Variants in BLZF1 observed in about 807,000 individuals in gnomAD.
BLZF1 encodes basic leucine zipper nuclear factor 1.
BLZF1 carries 39 observed loss-of-function variants against 43.8 expected under a neutral mutation model. The observed-to-expected ratio is 0.89, with a 90% CI of 0.69 to 1.16. The LOEUF is 1.16. Among genes scored for constraint, BLZF1 ranks in the 50% most tolerant of loss-of-function variants. BLZF1 has a pLI of 0.00. For missense variants in BLZF1, 449 were observed against 469.8 expected (o/e 0.96, Z 0.41); for synonymous variants, 136 against 159.4 (o/e 0.85, Z 1.11).
chr1:169,383,383 G>A (rs1412007891), intron 6 of BLZF1, among the ~76,000 whole-genome samples: 1 of 151,962 alleles, frequency 6.6e-6, no homozygotes, highest in Non-Finnish European at 1.5e-5. Flanking sequence ...CTTTCCTTTT[G>A]GCTTAAGAAC....
Position 169,380,546 on chromosome 1 carries a change from G to A in BLZF1, c.734G>A (p.Gly245Glu). The stretch of plus-strand genomic sequence containing the variant: ...CAGCGTCAAAACCGTGATGCACACG[G>A]GGCTATACAAGATCTCCTAAGTGAA... ...ALQRQNRDAH[G>E]AIQDLLSERE... The change falls in exon 5 of 7, where the codon GGG becomes GAG. Residue 245 changes from glycine (G) to glutamate (E), a missense_variant. Coordinates refer to ENST00000367808, the MANE Select transcript of BLZF1 (RefSeq NM_001320973.2). 6.2e-7 allele frequency: 1 copy of A among 1,612,844 alleles called. No homozygotes were observed. The highest frequency in any genetic ancestry group is 1.7e-4 in the Middle Eastern group (1 of 6,056).
rs1557851591 is a variant in BLZF1, at chr1:169,387,123, T to C, written c.1144T>C (p.Tyr382His). Residue 382 changes from tyrosine to histidine, a missense_variant, in exon 7 of 7, where the codon TAT becomes CAT. Transcript: ENST00000367808. ...NIGRFHPYTR[Y>H]ENITFNCCNH... is the part of the protein sequence containing the mutation. ...TGGACGATTTCATCCCTATACTAGA[T>C]ATGAAAATATAACTTTCAATTGCTG... The C allele has an allele frequency of 1.2e-6, 2 of 1,613,350 alleles. No individual in the cohort carries two copies. Among genetic ancestry groups the C allele is most frequent in the Non-Finnish European group, 1.7e-6 (2 of 1,179,748 alleles).
chr1:169,390,159 T>G (rs553944616), downstream of BLZF1, among the ~76,000 whole-genome samples: 14 of 151,458 alleles, frequency 9.2e-5, no homozygotes, highest in South Asian at 2.9e-3. Flanking sequence ...AACCACAAAC[T>G]CGTGGCACAC....
At chr1:169,380,048 A>AT (rs1571440087) in intron 4 of BLZF1, among the ~76,000 whole-genome samples, 2 of 152,116 alleles carry the variant, frequency 1.3e-5, no homozygotes, top group East Asian at 3.9e-4. Flanking sequence ...TGGGCATGAC[A>AT]AAAGACTTTA....
chr1:169,387,140 C>G lies in BLZF1; in HGVS notation c.1161C>G (p.Phe387Leu). Residue 387 changes from phenylalanine to leucine, a missense_variant, in exon 7 of 7, where the codon TTC becomes TTG. Transcript: ENST00000367808. ...ATACTAGATATGAAAATATAACTTT[C>G]AATTGCTGCAATCACTGCCGGGGAG... is the stretch of plus-strand genomic sequence containing the variant. Reference protein sequence around the residue: ...HPYTRYENITFNCCNHCRGEL... With the variant: ...HPYTRYENITLNCCNHCRGEL... The G allele has an allele frequency of 6.2e-7, 1 of 1,613,212 alleles. No homozygotes were observed. Among genetic ancestry groups the G allele is most frequent in the South Asian group, 1.1e-5 (1 of 90,914 alleles).
intron 7 of BLZF1, among the ~76,000 whole-genome samples, chr1:169,394,383 G>C (rs1654901059): frequency 6.6e-6 from 1 of 152,154 alleles, no homozygotes; most frequent in Non-Finnish European, 1.5e-5. Flanking sequence ...ACATGGGTAT[G>C]TTGCATGTTG....
chr1:169,390,391 CAGTT>C (rs1223843691), downstream of BLZF1, among the ~76,000 whole-genome samples: 4 of 152,062 alleles, frequency 2.6e-5, no homozygotes, highest in East Asian at 5.8e-4. Flanking sequence ...AAGAAGTCAA[CAGTT>C]AGTTCTTTAA....
chr1:169,394,182 G>A (rs10919159), intron 7 of BLZF1, among the ~76,000 whole-genome samples: 6,810 of 152,190 alleles, frequency 0.045, 211 homozygotes, highest in East Asian at 0.12. Flanking sequence ...TCTGCAGAAC[G>A]ACACTAATAG....
At chr1:169,390,130 A>T (rs1002005663), downstream of BLZF1, among the ~76,000 whole-genome samples, 4 of 152,214 alleles carry the variant, frequency 2.6e-5, no homozygotes, top group African/African-American at 9.6e-5. Context: ...AACTAAAAAA[A>T]AATTATATAC....
chr1:169,395,396 A>G (rs942488436), intron 7 of BLZF1, among the ~76,000 whole-genome samples: 1 of 152,246 alleles, frequency 6.6e-6, no homozygotes, highest in Non-Finnish European at 1.5e-5. Context: ...AAGGACCGTT[A>G]GATTTGGGGT....
At chr1:169,371,394 G>C (rs1654114404) in intron 2 of BLZF1, among the ~76,000 whole-genome samples, 4 of 152,160 alleles carry the variant, frequency 2.6e-5, no homozygotes. Flanking sequence ...ATGAGGATTA[G>C]AGTTATAAGG....
At chr1:169,390,787 A>G (rs561190675), downstream of BLZF1, among the ~76,000 whole-genome samples, 1 of 152,308 alleles carries the variant, frequency 6.6e-6, no homozygotes, top group South Asian at 2.1e-4. Context: ...TGCAATAGCT[A>G]TTAATGAAGA....
Position 169,377,043 on chromosome 1 carries a change from A to G in BLZF1, c.468+64A>G, listed in dbSNP as rs769684559. ...TTACGTCTGGACCTTTTAAACGTGC[A>G]TGTTAGAAAACTACATTTCTTTATG... On this transcript the variant is annotated intron_variant, in intron 3 of 6. Coordinates refer to ENST00000367808, the MANE Select transcript of BLZF1 (RefSeq NM_001320973.2). 1.7e-5 allele frequency: 23 copies of G among 1,323,818 alleles called. No individual in the cohort carries two copies. In the African/African-American group the frequency reaches 2.5e-4, roughly 15 times the overall value. The allele number at this position is 1,323,818 out of a possible 1,614,324, so 82.0% of individuals were successfully genotyped here. A position where few individuals can be genotyped will look rare whatever the true frequency, so the allele number is the denominator to read the frequency against.
rs1654696656 is a variant in BLZF1 at position 169,387,073 on chromosome 1, C to T, written c.1094C>T (p.Thr365Ile). ...DNPFFESSPT[T>I]LLATKKNIGR... ...CCATTTTTTGAGTCTTCACCAACCA[C>T]CTTACTTGCTACAAAGAAAAATATT... is the stretch of plus-strand genomic sequence containing the variant. The change falls in exon 7 of 7, where the codon ACC becomes ATC. Residue 365 changes from threonine (T) to isoleucine (I), a missense_variant. Physicochemically the swap from Thr to Ile is moderately conservative, Grantham distance 89 (BLOSUM62 -1). Coordinates refer to ENST00000367808, the MANE Select transcript of BLZF1 (RefSeq NM_001320973.2). 1.9e-6 allele frequency: 3 copies of T among 1,613,474 alleles called. No homozygotes were observed. The highest frequency in any genetic ancestry group is 2.7e-5 in the African/African-American group (2 of 74,998).
chr1:169,392,702 A>G (rs189318326), downstream of BLZF1, among the ~76,000 whole-genome samples: 3 of 152,278 alleles, frequency 2.0e-5, no homozygotes, highest in East Asian at 3.9e-4. Context: ...GAACCAACCA[A>G]GTAATTAGAG....
Position 169,387,026 on chromosome 1 carries a change from CAA to C in BLZF1, c.1049_1050del (p.Lys350ArgfsTer5). ...VLRILDPVTC[K>X]ESSPDNPFFE... ...TAAGAATTTTAGATCCAGTTACCTG[CAA>C]AGAGAGTTCACCTGATAATCCATTT... is the stretch of plus-strand genomic sequence containing the variant. On this transcript the variant is annotated frameshift_variant, in exon 7 of 7. Transcript: ENST00000367808. LOFTEE classifies it high-confidence loss of function. The C allele has an allele frequency of 6.2e-7, 1 of 1,611,302 alleles. No individual in the cohort carries two copies. The highest frequency in any genetic ancestry group is 8.5e-7 in the Non-Finnish European group (1 of 1,178,776).
chr1:169,386,873 TG>T, intron 6 of BLZF1, 123 bp from the exon 7 acceptor site: 1 of 633,898 alleles, frequency 1.6e-6, no homozygotes, highest in Non-Finnish European at 2.6e-6. Flanking sequence ...TTAGTCATTC[TG>T]TTTTTTTAGT....
In BLZF1 at chr1:169,382,114, T is replaced by C. The variant is rs1654544016; in HGVS notation, c.850T>C (p.Ser284Pro). The C allele has an allele frequency of 6.2e-7, 1 of 1,613,854 alleles. No homozygotes were observed. Among genetic ancestry groups the C allele is most frequent in the African/African-American group, 1.3e-5 (1 of 75,046 alleles). The stretch of plus-strand genomic sequence containing the variant: ...GCAATGGGGAAGAGAGCAAACTTAC[T>C]CCCCTAGTGTACAACCCCACAGCAC... ...SLQWGREQTY[S>P]PSVQPHSTAE... Residue 284 changes from serine to proline, a missense_variant, in exon 6 of 7, where the codon TCC becomes CCC. Ser to Pro is a moderately conservative substitution (Grantham distance 74). Coordinates refer to ENST00000367808, the MANE Select transcript of BLZF1 (RefSeq NM_001320973.2).
downstream of BLZF1, among the ~76,000 whole-genome samples, chr1:169,389,166 C>T (rs1654756796): frequency 1.3e-5 from 2 of 149,404 alleles, no homozygotes; most frequent in African/African-American, 5.0e-5. Flanking sequence ...TGGTAGTGGA[C>T]GCCTGTATAC....
Sources: allele counts gnomAD v4.1 joint callset (sites outside exome capture counted in the v4.1 genomes callset), GRCh38; gene constraint gnomAD v4.1.1; transcripts MANE v1.5; gene names NCBI Gene and HGNC (gene_info 2026-07-23, HGNC 2026-07-21).